The following ZAP70 variants were observed in gnomAD, a reference collection of about 807,000 sequenced individuals.
The protein encoded by ZAP70 is tyrosine-protein kinase ZAP-70.
In ZAP70, 27 loss-of-function variants were observed where a neutral mutation model predicts 65.8. The ratio of observed to expected loss-of-function variants is 0.41; its 90% CI spans 0.30 to 0.57. The LOEUF (loss-of-function observed/expected upper bound fraction) is 0.57, where lower values mean the gene tolerates loss of function less well. ZAP70 is among the 20% of genes least tolerant of loss of function. The probability of loss-of-function intolerance (pLI) is 0.28; values close to 1 mark genes in which losing one functional copy is unlikely to be tolerated. For synonymous variants in ZAP70, 363 were observed against 360.8 expected (o/e 1.01, Z -0.07); for missense variants, 696 against 870.5 (o/e 0.80, Z 2.52).
chr2:97,752,630 T>C, the ZAP70 span, among the ~76,000 whole-genome samples: 30 of 152,368 alleles, frequency 2.0e-4, no homozygotes, highest in African/African-American at 7.0e-4. Flanking sequence ...TGAATGACCT[T>C]TTACTATTAC....
chr2:97,724,522 GA>G, intron 3 of ZAP70, 84 bp downstream of exon 3: 1 of 1,519,554 alleles, frequency 6.6e-7, no homozygotes, highest in Non-Finnish European at 8.8e-7. Flanking sequence ...TAGGAGGGAG[GA>G]AAAGGTCGTC....
In ZAP70 at chr2:97,733,297, G is replaced by C. The variant is rs1324339707; in HGVS notation, c.791G>C (p.Gly264Ala). 1.9e-6 allele frequency: 3 copies of C among 1,604,076 alleles called. No homozygotes were observed. Among genetic ancestry groups the C allele is most frequent in the Non-Finnish European group, 1.7e-6 (2 of 1,174,384 alleles). Reference sequence around the variant, plus strand: ...CTCACTGTCCCTTCTGCTCCCCCAGGGGCTGCTGCTCCCACACTCCCAGCC... The same window carrying C: ...CTCACTGTCCCTTCTGCTCCCCCAGCGGCTGCTGCTCCCACACTCCCAGCC... Reference protein sequence around the residue: ...CPNSSASNASGAAAPTLPAHP... With the variant: ...CPNSSASNASAAAAPTLPAHP... Residue 264 changes from glycine (G) to alanine (A), a missense_variant and splice_region_variant, in exon 7 of 14, where the codon GGG becomes GCG. Transcript: ENST00000264972.
the ZAP70 span, among the ~76,000 whole-genome samples, chr2:97,747,815 G>GTTTTTTTTTTT: frequency 1.6e-3 from 87 of 54,800 alleles, 10 homozygotes; most frequent in African/African-American, 2.9e-3. Context: ...CTGGCACGAG[G>GTTTTTTTTTTT]TTTTTTTTTT....
intron 2 of ZAP70, among the ~76,000 whole-genome samples, chr2:97,717,135 C>T (rs548063319): frequency 6.6e-5 from 10 of 152,292 alleles, no homozygotes; most frequent in Middle Eastern, 3.4e-3. Flanking sequence ...ACAGGCGGCC[C>T]GAGCACAGCT....
At chr2:97,726,975 T>G (rs1194897252) in intron 4 of ZAP70, among the ~76,000 whole-genome samples, 1 of 152,250 alleles carries the variant, frequency 6.6e-6, no homozygotes, top group Non-Finnish European at 1.5e-5. Flanking sequence ...AGGCTGGGCC[T>G]GAATAGGCTG....
At chr2:97,721,927 G>A (rs942375839) in intron 2 of ZAP70, among the ~76,000 whole-genome samples, 1 of 151,512 alleles carries the variant, frequency 6.6e-6, no homozygotes, top group African/African-American at 2.4e-5. Context: ...GGAATTACAG[G>A]CACCTGCCAC....
chr2:97,739,475 A>T lies in ZAP70; in HGVS notation c.1837A>T (p.Lys613Ter), dbSNP rs769243855. Reference sequence around the variant, plus strand: ...GGAAGGGCCCCCAGGCAGCACACAGAAGGCTGAGGCTGCCTGTGCCTGAGC... The same window carrying T: ...GGAAGGGCCCCCAGGCAGCACACAGTAGGCTGAGGCTGCCTGTGCCTGAGC... Reference protein sequence around the residue: ...KVEGPPGSTQKAEAACA With the variant: ...KVEGPPGSTQ The change falls in exon 14 of 14, where the codon AAG becomes TAG. Residue 613 changes from lysine to a stop codon, truncating the protein, a stop_gained. Transcript: ENST00000264972. LOFTEE classifies it high-confidence loss of function. The T allele has an allele frequency of 3.4e-5, 55 of 1,613,204 alleles. No individual in the cohort carries two copies. Among genetic ancestry groups the T allele is most frequent in the Non-Finnish European group, 4.5e-5 (53 of 1,179,850 alleles).
chr2:97,738,292 C>G (rs1206384277), intron 13 of ZAP70, 185 bp downstream of exon 13: 1 of 663,128 alleles, frequency 1.5e-6, no homozygotes, highest in Non-Finnish European at 2.7e-6. Flanking sequence ...GTTTGCTGTC[C>G]TGCTCCAGTG....
At chr2:97,726,040 T>C (rs1373551729) in intron 4 of ZAP70, among the ~76,000 whole-genome samples, 2 of 152,128 alleles carry the variant, frequency 1.3e-5, no homozygotes, top group African/African-American at 4.8e-5. Flanking sequence ...CCTCTAACTG[T>C]CCTGTGGTTG....
chr2:97,732,198 G>C (rs1237772179), intron 4 of ZAP70, among the ~76,000 whole-genome samples: 1 of 152,196 alleles, frequency 6.6e-6, no homozygotes, highest in Non-Finnish European at 1.5e-5. Context: ...CAAAATTCCA[G>C]CAGAAGGCAA....
Position 97,733,570 on chromosome 2 carries a change from C to T in ZAP70, c.864C>T (p.Asn288=). ...THPQRRIDTL[N]SDGYTPEPAR... The stretch of plus-strand genomic sequence containing the variant: ...CTCAGAGACGAATCGACACCCTCAA[C>T]TCAGATGGATACACCCCTGAGCCAG... Residue 288 remains asparagine (N), a synonymous_variant, in exon 8 of 14, where the codon AAC becomes AAT. Coordinates refer to ENST00000264972, the MANE Select transcript of ZAP70 (RefSeq NM_001079.4). 1 of 1,613,658 alleles carries T rather than the reference C, an allele frequency of 6.2e-7. No homozygotes were observed. Among genetic ancestry groups the T allele is most frequent in the Non-Finnish European group, 8.5e-7 (1 of 1,179,998 alleles).
In ZAP70 at chr2:97,733,026, G is replaced by C. The variant is rs756359765; in HGVS notation, c.702+5G>C. 1 of 1,614,110 alleles carries C rather than the reference G, an allele frequency of 6.2e-7. No homozygotes were observed. The highest frequency in any genetic ancestry group is 1.1e-5 in the South Asian group (1 of 91,090). ...AAGTTTGACACGCTCTGGCAGGTAGGCTGCCCGTGCAACTTGTTCTGGGAG... is the reference window on the plus strand; with the variant it reads ...AAGTTTGACACGCTCTGGCAGGTAGCCTGCCCGTGCAACTTGTTCTGGGAG... On this transcript the variant is annotated splice_donor_5th_base_variant and intron_variant, in intron 5 of 13. Coordinates refer to ENST00000264972, the MANE Select transcript of ZAP70 (RefSeq NM_001079.4).
At chr2:97,732,780 C>T (rs559593042) in intron 4 of ZAP70, 103 bp from the exon 5 acceptor site, 9 of 1,527,512 alleles carry the variant, frequency 5.9e-6, no homozygotes, top group Non-Finnish European at 8.0e-6. Context: ...CTCTGCAAGG[C>T]TCTGAGGTGT....
At chr2:97,754,177 G>A in the ZAP70 span, among the ~76,000 whole-genome samples, 1 of 152,260 alleles carries the variant, frequency 6.6e-6, no homozygotes, top group South Asian at 2.1e-4. Flanking sequence ...TACCCTTAGA[G>A]TAATTATTTG....
chr2:97,735,229 TC>T lies in ZAP70; in HGVS notation c.1083-18del. The T allele has an allele frequency of 6.2e-7, 1 of 1,613,318 alleles. No homozygotes were observed. On this transcript the variant is annotated intron_variant, in intron 9 of 13. Coordinates refer to ENST00000264972, the MANE Select transcript of ZAP70 (RefSeq NM_001079.4). ...GGCCGGTGCCCCTCGCCCACGTGCC[TC>T]CCGTGGCCGGGTCGGGCAGGAAGCA...
intron 2 of ZAP70, among the ~76,000 whole-genome samples, chr2:97,718,169 G>A (rs964499790): frequency 3.9e-5 from 6 of 152,276 alleles, no homozygotes; most frequent in East Asian, 1.9e-4. Flanking sequence ...CAGGCAGGTC[G>A]AGGGCTGGGG....
chr2:97,747,776 A>G, the ZAP70 span, among the ~76,000 whole-genome samples: 2 of 146,418 alleles, frequency 1.4e-5, no homozygotes, highest in African/African-American at 5.1e-5. Flanking sequence ...TCCTGCTGTC[A>G]GAAGAGTGTC....
intron 4 of ZAP70, among the ~76,000 whole-genome samples, chr2:97,730,499 A>G (rs965554543): frequency 6.6e-6 from 1 of 152,140 alleles, no homozygotes; most frequent in Non-Finnish European, 1.5e-5. Flanking sequence ...ACTCATTCCC[A>G]TGGTATTTGG....
Position 97,734,624 on chromosome 2 carries a change from C to T in ZAP70, c.994C>T (p.Leu332=), listed in dbSNP as rs774008070. The T allele has an allele frequency of 9.3e-6, 15 of 1,614,246 alleles. No individual in the cohort carries two copies. The highest frequency in any genetic ancestry group is 1.2e-5 in the Non-Finnish European group (14 of 1,180,034). ...PEELKDKKLF[L]KRDNLLIADI... is the part of the protein sequence containing the mutation. ...GGAGCTCAAGGACAAGAAGCTCTTC[C>T]TGAAGCGCGATAACCTCCTCATAGC... is the stretch of plus-strand genomic sequence containing the variant. The change falls in exon 9 of 14, where the codon CTG becomes TTG. Residue 332 remains leucine, a synonymous_variant. Transcript: ENST00000264972.
Sources: allele counts gnomAD v4.1 joint callset (sites outside exome capture counted in the v4.1 genomes callset), GRCh38; gene constraint gnomAD v4.1.1; transcripts MANE v1.5; gene names NCBI Gene and HGNC (gene_info 2026-07-23, HGNC 2026-07-21).